Variants in PALLD observed in about 807,000 individuals in gnomAD.
PALLD encodes palladin.
In PALLD, 61 loss-of-function variants were observed where a neutral mutation model predicts 123.5. The observed-to-expected ratio is 0.49, with a 90% CI of 0.40 to 0.61. The LOEUF (loss-of-function observed/expected upper bound fraction) is 0.61. PALLD is among the 20% of genes least tolerant of loss of function. The pLI is 0.00. For missense variants in PALLD, 1,273 were observed against 1,377.0 expected, an observed-to-expected ratio of 0.92 and a Z score of 1.20; for synonymous variants, 465 against 496.4, an observed-to-expected ratio of 0.94 and a Z score of 0.84.
chr4:168,654,980 G>T (rs982480006), intron 2 of PALLD, among the ~76,000 whole-genome samples: 48 of 68,624 alleles, frequency 7.0e-4, no homozygotes, highest in African/African-American at 2.1e-3. Flanking sequence ...TATGTATATG[G>T]CTACTTGTGT....
At chr4:168,860,824 A>T (rs1022492515) in intron 10 of PALLD, among the ~76,000 whole-genome samples, 1 of 152,220 alleles carries the variant, frequency 6.6e-6, no homozygotes, top group African/African-American at 2.4e-5. Flanking sequence ...AAAAACAAAA[A>T]ATTCAGCCTG....
intron 1 of PALLD, among the ~76,000 whole-genome samples, chr4:168,502,036 T>A (rs185167429): frequency 6.6e-6 from 1 of 152,220 alleles, no homozygotes; most frequent in Admixed American, 6.5e-5. Context: ...TTTCTCTTCT[T>A]AGAATCTTAA....
At chr4:168,608,583 C>A (rs1203241262) in intron 2 of PALLD, among the ~76,000 whole-genome samples, 1 of 152,144 alleles carries the variant, frequency 6.6e-6, no homozygotes, top group Non-Finnish European at 1.5e-5. Flanking sequence ...TTTAGAAAGC[C>A]TCATTAGATA....
intron 10 of PALLD, among the ~76,000 whole-genome samples, chr4:168,731,726 G>A (rs1787188379): frequency 6.6e-6 from 1 of 152,028 alleles, no homozygotes; most frequent in Non-Finnish European, 1.5e-5. Flanking sequence ...AAGTGGCAAG[G>A]AAAAAAAGAT....
At chr4:168,597,553 T>C (rs1229972184) in intron 2 of PALLD, among the ~76,000 whole-genome samples, 1 of 152,134 alleles carries the variant, frequency 6.6e-6, no homozygotes, top group African/African-American at 2.4e-5. Context: ...CCTATATTTT[T>C]GATACATTCT....
chr4:168,735,900 G>A (rs1438507051), intron 10 of PALLD, among the ~76,000 whole-genome samples: 1 of 152,070 alleles, frequency 6.6e-6, no homozygotes, highest in Non-Finnish European at 1.5e-5. Context: ...TACTTTCATT[G>A]CCACTCTGTG....
At chr4:168,703,149 A>C (rs1237566926) in intron 8 of PALLD, among the ~76,000 whole-genome samples, 1 of 145,026 alleles carries the variant, frequency 6.9e-6, no homozygotes, top group Non-Finnish European at 1.5e-5. Flanking sequence ...ATGAGTGAGA[A>C]TATGCGGTGT....
chr4:168,866,965 G>A (rs982576125), intron 10 of PALLD, among the ~76,000 whole-genome samples: 1 of 152,200 alleles, frequency 6.6e-6, no homozygotes, highest in African/African-American at 2.4e-5. Context: ...CTCTGTGTCT[G>A]AGGAAGTCGC....
At chr4:168,765,176 T>G (rs1733493431) in intron 10 of PALLD, among the ~76,000 whole-genome samples, 1 of 152,104 alleles carries the variant, frequency 6.6e-6, no homozygotes, top group Non-Finnish European at 1.5e-5. Flanking sequence ...AAAAGAATGA[T>G]GAACAAATGA....
At chr4:168,908,743 C>T (rs145128224) in intron 15 of PALLD, among the ~76,000 whole-genome samples, 11 of 152,168 alleles carry the variant, frequency 7.2e-5, no homozygotes, top group Non-Finnish European at 1.3e-4. Context: ...AAGAGGAAGA[C>T]TAGAGTGGAA....
intron 10 of PALLD, among the ~76,000 whole-genome samples, chr4:168,719,969 C>A (rs1785827894): frequency 6.6e-6 from 1 of 152,110 alleles, no homozygotes; most frequent in African/African-American, 2.4e-5. Flanking sequence ...TTTTCTTTAT[C>A]CAGTCTACCA....
rs34003798 is a variant in PALLD at position 168,816,413 on chromosome 4, A to ATATAT, written c.1965-74508_1965-74507insATATT. Among the ~76,000 whole-genome samples, 10 of 135,996 alleles carry ATATAT rather than the reference A, an allele frequency of 7.4e-5. No homozygotes were observed. In the East Asian group the frequency reaches 1.1e-3, roughly 15 times the overall value. 89.2% of individuals were successfully genotyped at this position (135,996 alleles called of 152,430 possible). A position where few individuals can be genotyped will look rare whatever the true frequency, so the allele number is the denominator to read the frequency against. On this transcript the variant is annotated intron_variant, in intron 10 of 21. Transcript: ENST00000505667. ...TGTATATATATATATATATATATAT[A>ATATAT]TTTTTTTTAAGTATTAGATTGGAGT... is the stretch of plus-strand genomic sequence containing the variant.
chr4:168,755,251 A>C (rs80081632), intron 10 of PALLD, among the ~76,000 whole-genome samples: 1 of 144,554 alleles, frequency 6.9e-6, no homozygotes, highest in Non-Finnish European at 1.5e-5. Flanking sequence ...AAAAAAAAAA[A>C]GGGCAGGGTA....
chr4:168,641,198 A>C (rs1776910222), intron 2 of PALLD, among the ~76,000 whole-genome samples: 1 of 137,880 alleles, frequency 7.3e-6, no homozygotes, highest in Admixed American at 7.3e-5. Context: ...ACAGAGCGAG[A>C]CTCCATCTCA....
intron 10 of PALLD, among the ~76,000 whole-genome samples, chr4:168,873,247 T>C (rs1751315225): frequency 6.6e-6 from 1 of 152,220 alleles, no homozygotes; most frequent in Non-Finnish European, 1.5e-5. Flanking sequence ...GCTGTGAGGA[T>C]GCCGAAAGTT....
intron 10 of PALLD, among the ~76,000 whole-genome samples, chr4:168,887,686 A>G (rs1354069304): frequency 6.6e-6 from 1 of 152,252 alleles, no homozygotes; most frequent in East Asian, 1.9e-4. Context: ...TAGCTCTTCT[A>G]GTTCTCAGAT....
At chr4:168,665,069 A>G (rs191153314) in intron 2 of PALLD, among the ~76,000 whole-genome samples, 191 of 152,314 alleles carry the variant, frequency 1.3e-3, no homozygotes, top group Non-Finnish European at 2.1e-3. Flanking sequence ...TCACAAAATG[A>G]TGTAGAAAAT....
chr4:168,762,303 T>C lies in PALLD; in HGVS notation c.1964+50380T>C, dbSNP rs149533937. On this transcript the variant is annotated intron_variant, in intron 10 of 21. Transcript: ENST00000505667. ...GCCTGGCCATCATAATGGAACCCCA[T>C]CTCTATTAAAAATACAAAAATGAGC... is the stretch of plus-strand genomic sequence containing the variant. Among the ~76,000 whole-genome samples, 775 of 152,064 alleles carry C rather than the reference T, an allele frequency of 5.1e-3. 2 individuals carry two copies. The highest frequency in any genetic ancestry group is 6.6e-3 in the Non-Finnish European group (451 of 67,990).
intron 8 of PALLD, among the ~76,000 whole-genome samples, chr4:168,706,204 G>A (rs1784214480): frequency 6.6e-6 from 1 of 151,992 alleles, no homozygotes. Context: ...TCGACCTTCT[G>A]CTTCTAAGAG....
Sources: gnomAD v4.1 joint callset for allele counts (sites outside exome capture counted in the v4.1 genomes callset) on GRCh38, gnomAD v4.1.1 for gene constraint, MANE v1.5 for transcripts, NCBI Gene and HGNC (gene_info 2026-07-23, HGNC 2026-07-21) for gene names.